FARSB: variants seen among roughly 807,000 people sequenced by gnomAD.
FARSB encodes phenylalanyl-tRNA synthetase subunit beta.
FARSB carries 40 observed loss-of-function variants against 69.6 expected under a neutral mutation model. The ratio of observed to expected loss-of-function variants is 0.57; its 90% confidence interval spans 0.45 to 0.75. The LOEUF (loss-of-function observed/expected upper bound fraction) is 0.75. Ranked by LOEUF, FARSB falls within the 30% of genes least tolerant of loss-of-function variation. FARSB has a pLI of 0.00. For synonymous variants in FARSB, 235 were observed against 247.2 expected, an observed-to-expected ratio of 0.95 and a Z score of 0.46; for missense variants, 632 against 722.9, an observed-to-expected ratio of 0.87 and a Z score of 1.44.
rs534268437 is a variant in FARSB, at chr2:222,568,986, G to T, written c.*2885C>A. On this transcript the variant is annotated 3_prime_UTR_variant, in exon 17 of 17. Transcript: ENST00000281828. This position sits in a 1 kb window ranked among gnomAD's most constrained non-coding sequence, Gnocchi z 4.3. ...TAGAGCTCCCAGTTTTTACTAAGAAGGTGTGCATCTTCTGTAATAAAGGCT... is the reference window on the plus strand; with the variant it reads ...TAGAGCTCCCAGTTTTTACTAAGAATGTGTGCATCTTCTGTAATAAAGGCT... 1 of 152,296 alleles carries T rather than the reference G, an allele frequency of 6.6e-6. No homozygotes were observed. The highest frequency in any genetic ancestry group is 2.1e-4 in the South Asian group (1 of 4,822). The allele number at this position is 152,296 out of a possible 1,614,324, so 9.4% of individuals were successfully genotyped here. A position where few individuals can be genotyped will look rare whatever the true frequency, so the allele number is the denominator to read the frequency against.
rs190804055 is a variant in FARSB at position 222,589,898 on chromosome 2, C to A, written c.1618+10030G>T. The stretch of plus-strand genomic sequence containing the variant: ...TGGAGAGGATGTGGAGAAATAGGAA[C>A]ACTTTCACCCTGTTAGTGGGACTGT... On this transcript the variant is annotated intron_variant, in intron 16 of 16. Transcript: ENST00000281828. 4.4e-3 allele frequency among the ~76,000 whole-genome samples: 673 copies of A among 152,306 alleles called. 3 individuals are homozygous for A. The highest frequency in any genetic ancestry group is 7.8e-3 in the Non-Finnish European group (532 of 68,024).
intron 1 of FARSB, among the ~76,000 whole-genome samples, chr2:222,650,994 G>A (rs2106017700): frequency 6.6e-6 from 1 of 152,302 alleles, no homozygotes; most frequent in Middle Eastern, 3.4e-3. Context: ...TTTAGTCCCT[G>A]GAAGTGGTGT....
At chr2:222,606,884 G>A (rs892730132) in intron 15 of FARSB, among the ~76,000 whole-genome samples, 2 of 152,182 alleles carry the variant, frequency 1.3e-5, no homozygotes, top group African/African-American at 4.8e-5. Context: ...AAAGCCCAAA[G>A]AAAGATGCTA....
At chr2:222,627,657 A>G (rs1459792651) in intron 10 of FARSB, among the ~76,000 whole-genome samples, 2 of 152,254 alleles carry the variant, frequency 1.3e-5, no homozygotes, top group African/African-American at 4.8e-5. Context: ...CAACTTTTAA[A>G]AACTAATATT....
chr2:222,641,035 A>T, intron 3 of FARSB, 104 bp from the exon 4 acceptor site: 1 of 480,092 alleles, frequency 2.1e-6, no homozygotes, highest in Non-Finnish European at 3.6e-6. Context: ...GAATTAGGGC[A>T]ATGGGTTGAG....
intron 2 of FARSB, among the ~76,000 whole-genome samples, chr2:222,645,209 G>A (rs1691818124): frequency 6.6e-6 from 1 of 152,132 alleles, no homozygotes; most frequent in Admixed American, 6.5e-5. Context: ...GACTCGTCTG[G>A]ACTATAGAGT....
chr2:222,641,438 A>G (rs1243357158), intron 3 of FARSB, among the ~76,000 whole-genome samples: 4 of 152,196 alleles, frequency 2.6e-5, no homozygotes, highest in Non-Finnish European at 5.9e-5. Flanking sequence ...TATCATAGGG[A>G]GAAGTTGGGA....
chr2:222,599,056 CA>C lies in FARSB; in HGVS notation c.1618+871del, dbSNP rs1182149274. ...AAAACAAAAATTAAACAACCACCAA[CA>C]AAAACAATCCCTGAGGACTAATAAA... On this transcript the variant is annotated intron_variant, in intron 16 of 16. Coordinates refer to ENST00000281828, the MANE Select transcript of FARSB (RefSeq NM_005687.5). Among the ~76,000 whole-genome samples, 3 of 150,302 alleles carry C rather than the reference CA, an allele frequency of 2.0e-5. No individual in the cohort carries two copies. The East Asian group carries it at 5.9e-4, about 30-fold the overall frequency.
At chr2:222,579,250 G>C (rs182730780) in intron 16 of FARSB, among the ~76,000 whole-genome samples, 1 of 152,198 alleles carries the variant, frequency 6.6e-6, no homozygotes, top group African/African-American at 2.4e-5. Context: ...AAAGCAGAAT[G>C]TTTTTAAGCT....
At chr2:222,636,034 T>C (rs1023091718) in intron 5 of FARSB, among the ~76,000 whole-genome samples, 1 of 149,680 alleles carries the variant, frequency 6.7e-6, no homozygotes, top group Non-Finnish European at 1.5e-5. Flanking sequence ...GAGCTGTGAT[T>C]GCACCACTGT....
At chr2:222,612,620 A>C (rs1465079500) in intron 15 of FARSB, among the ~76,000 whole-genome samples, 1 of 152,250 alleles carries the variant, frequency 6.6e-6, no homozygotes, top group African/African-American at 2.4e-5. Flanking sequence ...AATTCTGCAG[A>C]GTCTAGAGTA....
At chr2:222,625,317 C>A (rs747448911) in intron 10 of FARSB, among the ~76,000 whole-genome samples, 1 of 152,186 alleles carries the variant, frequency 6.6e-6, no homozygotes, top group Non-Finnish European at 1.5e-5. Flanking sequence ...GAGGTGAGAA[C>A]ACACACACAT....
intron 16 of FARSB, among the ~76,000 whole-genome samples, chr2:222,596,766 T>C (rs1690427418): frequency 6.6e-6 from 1 of 152,198 alleles, no homozygotes. Flanking sequence ...AAAACAATTT[T>C]GTTCCTTAGT....
At chr2:222,652,793 C>G (rs1692072171) in intron 1 of FARSB, among the ~76,000 whole-genome samples, 1 of 152,170 alleles carries the variant, frequency 6.6e-6, no homozygotes, top group Non-Finnish European at 1.5e-5. Flanking sequence ...TCCTGACCCT[C>G]AGAAACTATA....
chr2:222,598,898 T>A (rs1474904129), intron 16 of FARSB, among the ~76,000 whole-genome samples: 3 of 151,314 alleles, frequency 2.0e-5, no homozygotes, highest in Non-Finnish European at 4.4e-5. Flanking sequence ...TCATGGAAAG[T>A]GGGTAAGAAA....
At chr2:222,655,508 G>A (rs1339488183) in intron 1 of FARSB, among the ~76,000 whole-genome samples, 1 of 152,130 alleles carries the variant, frequency 6.6e-6, no homozygotes, top group Non-Finnish European at 1.5e-5. Flanking sequence ...TGGACCTGAC[G>A]TGTCGTGTGC....
chr2:222,626,697 C>T (rs757960800), intron 10 of FARSB, among the ~76,000 whole-genome samples: 2 of 151,998 alleles, frequency 1.3e-5, no homozygotes, highest in Non-Finnish European at 2.9e-5. Context: ...CCTTTTCTTC[C>T]CAAAAATATA....
intron 15 of FARSB, among the ~76,000 whole-genome samples, chr2:222,605,161 T>TCTCTCTCTCTCTCTCTCTC (rs1690667824): frequency 3.8e-5 from 5 of 132,676 alleles, no homozygotes; most frequent in African/African-American, 1.2e-4. Flanking sequence ...AATACAAACT[T>TCTCTCTCTCTCTCTCTCTC]TCTCTCTCTC....
At chr2:222,575,154 A>G (rs1689804258) in intron 16 of FARSB, among the ~76,000 whole-genome samples, 1 of 152,188 alleles carries the variant, frequency 6.6e-6, no homozygotes, top group Non-Finnish European at 1.5e-5. Context: ...TGTTGGCAGA[A>G]AGGGGGTAGT....
Sources: allele counts gnomAD v4.1 joint callset (sites outside exome capture counted in the v4.1 genomes callset), GRCh38; gene constraint gnomAD v4.1.1; non-coding constraint Gnocchi (gnomAD v3.1); transcripts MANE v1.5; gene names NCBI Gene and HGNC (gene_info 2026-07-23, HGNC 2026-07-21).